GPHN: variants seen among roughly 807,000 people sequenced by gnomAD.
GPHN encodes gephyrin.
In GPHN, 17 loss-of-function variants were observed where a neutral mutation model predicts 95.5. That is an observed-to-expected ratio of 0.18 (90% CI 0.12 to 0.27). The LOEUF (loss-of-function observed/expected upper bound fraction) is 0.27, where lower values mean the gene tolerates loss of function less well. GPHN is among the 10% of genes least tolerant of loss of function. The pLI is 1.00. For missense variants in GPHN, 660 were observed against 978.1 expected (o/e 0.67, Z 4.34); for synonymous variants, 320 against 322.5 (o/e 0.99, Z 0.08).
At chr14:67,285,458 C>T in the GPHN span, among the ~76,000 whole-genome samples, 10 of 151,714 alleles carry the variant, frequency 6.6e-5, no homozygotes, top group African/African-American at 2.4e-4. Flanking sequence ...GCTCCACCTC[C>T]CAGGTTCACA....
chr14:66,757,444 C>CT (rs1447946282), intron 2 of GPHN, among the ~76,000 whole-genome samples: 1 of 152,116 alleles, frequency 6.6e-6, no homozygotes, highest in Admixed American at 6.5e-5. Context: ...GGCTGGAGTG[C>CT]TGTGGCACTA....
At chr14:66,928,698 A>C (rs1436141107) in intron 8 of GPHN, among the ~76,000 whole-genome samples, 1 of 152,110 alleles carries the variant, frequency 6.6e-6, no homozygotes, top group Non-Finnish European at 1.5e-5. Context: ...CCTATCCCAT[A>C]GGTTTTGGTG....
intron 2 of GPHN, among the ~76,000 whole-genome samples, chr14:66,693,734 A>G (rs1254255261): frequency 2.0e-5 from 3 of 152,162 alleles, no homozygotes; most frequent in Non-Finnish European, 4.4e-5. Context: ...ACACAGAAAT[A>G]ATGCTTTATC....
At chr14:67,172,392 G>A (rs1295797941) in intron 21 of GPHN, among the ~76,000 whole-genome samples, 1 of 152,130 alleles carries the variant, frequency 6.6e-6, no homozygotes, top group Non-Finnish European at 1.5e-5. Flanking sequence ...CAGCATCCCA[G>A]GAAATGATGC....
the GPHN span, chr14:67,733,904 C>A: frequency 7.4e-7 from 1 of 1,357,340 alleles, no homozygotes; most frequent in Non-Finnish European, 1.1e-6. Flanking sequence ...TGAACAGGGA[C>A]CAAGGAGAAG....
the GPHN span, among the ~76,000 whole-genome samples, chr14:67,389,172 A>T: frequency 2.6e-5 from 4 of 152,046 alleles, no homozygotes; most frequent in African/African-American, 9.7e-5. Context: ...AATCAACTTC[A>T]TACTGCATGT....
At chr14:67,320,049 G>A in the GPHN span, among the ~76,000 whole-genome samples, 5 of 152,246 alleles carry the variant, frequency 3.3e-5, no homozygotes, top group South Asian at 6.2e-4. Flanking sequence ...TATGAAATGA[G>A]ATAAAAATTA....
At chr14:67,281,024 G>A in the GPHN span, among the ~76,000 whole-genome samples, 2 of 151,302 alleles carry the variant, frequency 1.3e-5, no homozygotes, top group East Asian at 1.9e-4. Flanking sequence ...TTAGCCTCCC[G>A]AGTGGCTGGG....
intron 11 of GPHN, among the ~76,000 whole-genome samples, chr14:67,077,499 C>G (rs2076541313): frequency 6.6e-6 from 1 of 152,060 alleles, no homozygotes; most frequent in Non-Finnish European, 1.5e-5. Flanking sequence ...AGAATAAATG[C>G]CCAACCAAAC....
At chr14:67,392,323 T>C in the GPHN span, 1 of 1,573,188 alleles carries the variant, frequency 6.4e-7, no homozygotes, top group Non-Finnish European at 8.8e-7. Flanking sequence ...ATAGCAGCCA[T>C]ACCTGCTTGG....
At chr14:67,251,666 C>CAT in the GPHN span, among the ~76,000 whole-genome samples, 1 of 152,284 alleles carries the variant, frequency 6.6e-6, no homozygotes, top group East Asian at 1.9e-4. Context: ...GGCTGTGATA[C>CAT]AATAAGAAAT....
At chr14:66,666,411 A>AT (rs2065960756) in intron 1 of GPHN, among the ~76,000 whole-genome samples, 1 of 151,746 alleles carries the variant, frequency 6.6e-6, no homozygotes, top group African/African-American at 2.4e-5. Flanking sequence ...ACATTTTTTA[A>AT]TAAAAAAAAA....
intron 11 of GPHN, among the ~76,000 whole-genome samples, chr14:67,084,153 T>C (rs981189072): frequency 6.6e-6 from 1 of 152,162 alleles, no homozygotes; most frequent in Non-Finnish European, 1.5e-5. Flanking sequence ...CAAAAATAGA[T>C]GGTTACAAAT....
chr14:67,198,932 A>G, the GPHN span: 11 of 700,150 alleles, frequency 1.6e-5, no homozygotes, highest in Non-Finnish European at 2.9e-5. Flanking sequence ...GTCTAACACT[A>G]AACACTGAGC....
chr14:67,675,600 G>C, the GPHN span, among the ~76,000 whole-genome samples: 5 of 152,174 alleles, frequency 3.3e-5, no homozygotes, highest in Admixed American at 6.5e-5. Flanking sequence ...AGGCTGCCTC[G>C]TGCACTTGTT....
the GPHN span, among the ~76,000 whole-genome samples, chr14:67,605,672 T>C: frequency 6.6e-6 from 1 of 152,194 alleles, no homozygotes; most frequent in Admixed American, 6.5e-5. Flanking sequence ...TAAATAAATT[T>C]ATATGCTTCT....
At chr14:67,363,309 C>T in the GPHN span, among the ~76,000 whole-genome samples, 1 of 151,874 alleles carries the variant, frequency 6.6e-6, no homozygotes, top group Non-Finnish European at 1.5e-5. Context: ...TGCTAAATCC[C>T]TATTTTGTAG....
Position 66,783,640 on chromosome 14 carries a change from T to C in GPHN, c.201+7119T>C, listed in dbSNP as rs1277347697. Among the ~76,000 whole-genome samples, 2 of 152,222 alleles carry C rather than the reference T, an allele frequency of 1.3e-5. 1 individual carries two copies. The highest frequency in any genetic ancestry group is 3.9e-4 in the East Asian group (2 of 5,192). ...AGCCAGGTGAGGCTATTCGTACTTC[T>C]GCTCACAATATGAGTCAACCATCTA... On this transcript the variant is annotated intron_variant, in intron 3 of 22. Coordinates refer to ENST00000478722, the MANE Select transcript of GPHN (RefSeq NM_020806.5).
chr14:66,545,995 G>C (rs1421394359), intron 1 of GPHN, among the ~76,000 whole-genome samples: 2 of 149,818 alleles, frequency 1.3e-5, no homozygotes, highest in Admixed American at 6.6e-5. Context: ...CGGGGGGGAG[G>C]GGCTCCTCAC....
Sources: gnomAD v4.1 joint callset for allele counts (sites outside exome capture counted in the v4.1 genomes callset) on GRCh38, gnomAD v4.1.1 for gene constraint, MANE v1.5 for transcripts, NCBI Gene and HGNC (gene_info 2026-07-23, HGNC 2026-07-21) for gene names.